Variants in ITSN1 observed in about 807,000 individuals in gnomAD.
ITSN1 encodes the protein intersectin 1.
A neutral mutation model predicts 239.8 loss-of-function variants in ITSN1; 58 were observed. The observed-to-expected ratio is 0.24, with a 90% CI of 0.20 to 0.30. The LOEUF (loss-of-function observed/expected upper bound fraction) is 0.30. Among genes scored for constraint, ITSN1 ranks in the 10% least tolerant of loss-of-function variants. ITSN1 has a pLI of 1.00. For missense variants in ITSN1, 1,558 were observed against 2,103.3 expected (o/e 0.74, Z 5.07); for synonymous variants, 780 against 770.8 (o/e 1.01, Z -0.20).
At chr21:33,840,564 G>C (rs1029265453) in intron 29 of ITSN1, among the ~76,000 whole-genome samples, 2 of 152,114 alleles carry the variant, frequency 1.3e-5, no homozygotes, top group Non-Finnish European at 2.9e-5. Context: ...GTTTCACCAT[G>C]TTGGCCAGGC....
chr21:33,882,949 C>G lies in ITSN1; in HGVS notation c.4554+494C>G, dbSNP rs1017551973. ...CAGCTGTTTATATGGTCTGCTCATA[C>G]GTGCATGGCTGTGTTTGTGTGTCTT... On this transcript the variant is annotated intron_variant, in intron 35 of 39. Coordinates refer to ENST00000381318, the MANE Select transcript of ITSN1 (RefSeq NM_003024.3). This position sits in a 1 kb window ranked among gnomAD's most constrained non-coding sequence, Gnocchi z 4.5. Among the ~76,000 whole-genome samples the G allele has an allele frequency of 2.0e-5, 3 of 152,158 alleles. No individual in the cohort carries two copies. The highest frequency in any genetic ancestry group is 2.9e-5 in the Non-Finnish European group (2 of 68,036).
At chr21:33,829,567 G>T (rs201324915) in intron 26 of ITSN1, 57 bp from the exon 27 acceptor site, 12 of 1,594,310 alleles carry the variant, frequency 7.5e-6, no homozygotes, top group Non-Finnish European at 1.0e-5. Context: ...CATCTTCTTG[G>T]CCTTTTCTCC....
At chr21:33,809,338 T>G (rs1037897600) in intron 20 of ITSN1, among the ~76,000 whole-genome samples, 3 of 152,230 alleles carry the variant, frequency 2.0e-5, no homozygotes, top group Admixed American at 2.0e-4. Flanking sequence ...CAATAAAGAT[T>G]CCCTAAAGTG....
At chr21:33,849,894 T>TTTGTAC (rs1287894919) in intron 29 of ITSN1, among the ~76,000 whole-genome samples, 1 of 152,164 alleles carries the variant, frequency 6.6e-6, no homozygotes, top group Non-Finnish European at 1.5e-5. Flanking sequence ...CCAGTCTGCC[T>TTTGTAC]TTGTACCCAA....
intron 29 of ITSN1, among the ~76,000 whole-genome samples, chr21:33,853,407 A>G (rs1173050334): frequency 1.3e-5 from 2 of 152,154 alleles, no homozygotes; most frequent in African/African-American, 4.8e-5. Flanking sequence ...CTTGTCCCCA[A>G]CTGGCCCCAG....
At position 33,711,750 on chromosome 21, in the gene ITSN1, TTAA is replaced by T. The variant is rs955983282; in HGVS notation, c.-32-7044_-32-7042del. ...TTAACCTTTTATTATCAGCTTAGAG[TTAA>T]TATTTTATCACTTCACATAGAATGT... On this transcript the variant is annotated intron_variant, in intron 1 of 39. Transcript: ENST00000381318. Among the ~76,000 whole-genome samples the T allele has an allele frequency of 6.6e-5, 10 of 151,814 alleles. No homozygotes were observed. In the East Asian group the frequency reaches 1.7e-3, roughly 26 times the overall value.
At position 33,874,023 on chromosome 21, in the gene ITSN1, G is replaced by A. The variant is rs377093511; in HGVS notation, c.4174-1331G>A. On this transcript the variant is annotated intron_variant, in intron 33 of 39. Transcript: ENST00000381318. Reference sequence around the variant, plus strand: ...CTAAAAATACAAAAATTAGCCAGGCGTGGTGGCTGTAGTCCCAGCTACTCG... The same window carrying A: ...CTAAAAATACAAAAATTAGCCAGGCATGGTGGCTGTAGTCCCAGCTACTCG... Among the ~76,000 whole-genome samples, 144 of 151,482 alleles carry A rather than the reference G, an allele frequency of 9.5e-4. 2 individuals carry two copies. In the South Asian group the frequency reaches 0.027, roughly 28 times the overall value.
intron 22 of ITSN1, among the ~76,000 whole-genome samples, chr21:33,815,354 CGT>C (rs1370508005): frequency 6.6e-6 from 1 of 151,632 alleles, no homozygotes; most frequent in Non-Finnish European, 1.5e-5. Flanking sequence ...GCATTTAGCA[CGT>C]GTCACATGCT....
At chr21:33,878,038 G>GTGTGTGTGTGTGTGTGTGTGTGTGTGTT (rs1984283987) in intron 34 of ITSN1, among the ~76,000 whole-genome samples, 1 of 149,136 alleles carries the variant, frequency 6.7e-6, no homozygotes, top group Non-Finnish European at 1.5e-5. Flanking sequence ...GTGTGTGTGT[G>GTGTGTGTGTGTGTGTGTGTGTGTGTGTT]TGTGTGTGTT....
At chr21:33,839,136 A>G (rs1215250265) in intron 29 of ITSN1, among the ~76,000 whole-genome samples, 1 of 152,168 alleles carries the variant, frequency 6.6e-6, no homozygotes, top group African/African-American at 2.4e-5. Flanking sequence ...TGGGTGCCCC[A>G]TTGGCTTCTG....
At chr21:33,867,142 G>T in intron 32 of ITSN1, 91 bp from the exon 33 acceptor site, 1 of 756,624 alleles carries the variant, frequency 1.3e-6, no homozygotes. Flanking sequence ...ATGAGATAAT[G>T]GGTGGAGAGT....
chr21:33,713,433 G>C (rs1056932191), intron 1 of ITSN1, among the ~76,000 whole-genome samples: 13 of 151,886 alleles, frequency 8.6e-5, no homozygotes, highest in Non-Finnish European at 1.8e-4. Flanking sequence ...TAGTAGAGAC[G>C]GGGTTTCACC....
At chr21:33,710,331 A>G (rs1423761173) in intron 1 of ITSN1, among the ~76,000 whole-genome samples, 2 of 151,868 alleles carry the variant, frequency 1.3e-5, no homozygotes, top group Non-Finnish European at 2.9e-5. Flanking sequence ...GCCCGTCCCA[A>G]AGTGCTGGGA....
chr21:33,815,218 T>C (rs2073186389), intron 22 of ITSN1, among the ~76,000 whole-genome samples: 2 of 152,018 alleles, frequency 1.3e-5, no homozygotes, highest in African/African-American at 4.8e-5. Flanking sequence ...TGTGAGGTCA[T>C]CCAAGGAGAG....
intron 31 of ITSN1, among the ~76,000 whole-genome samples, chr21:33,863,286 A>C (rs1197692226): frequency 1.3e-5 from 2 of 152,222 alleles, no homozygotes; most frequent in African/African-American, 4.8e-5. Flanking sequence ...CTAATTCCTC[A>C]AGACAATCAC....
chr21:33,663,195 A>G (rs1001070759), intron 1 of ITSN1, among the ~76,000 whole-genome samples: 3 of 152,242 alleles, frequency 2.0e-5, no homozygotes, highest in Non-Finnish European at 4.4e-5. Context: ...ATTGCTGGAT[A>G]TACCAGGAAG....
chr21:33,862,929 T>G (rs1308510243), intron 31 of ITSN1, among the ~76,000 whole-genome samples: 1 of 152,228 alleles, frequency 6.6e-6, no homozygotes. Flanking sequence ...GACACTCATG[T>G]GTTCAGCAAT....
At chr21:33,733,634 A>C (rs1297549176) in intron 4 of ITSN1, among the ~76,000 whole-genome samples, 2 of 152,104 alleles carry the variant, frequency 1.3e-5, no homozygotes, top group Non-Finnish European at 2.9e-5. Flanking sequence ...GACATGCAAT[A>C]TATAGAAAAT....
At chr21:33,672,485 G>T (rs2090346479) in intron 1 of ITSN1, among the ~76,000 whole-genome samples, 1 of 152,136 alleles carries the variant, frequency 6.6e-6, no homozygotes, top group South Asian at 2.1e-4. Flanking sequence ...AATAAGAATT[G>T]GCCAGGATAT....
Sources: allele counts gnomAD v4.1 joint callset (sites outside exome capture counted in the v4.1 genomes callset), GRCh38; gene constraint gnomAD v4.1.1; non-coding constraint Gnocchi (gnomAD v3.1); transcripts MANE v1.5; gene names NCBI Gene and HGNC (gene_info 2026-07-23, HGNC 2026-07-21).